Variants in GPC6 observed in about 807,000 individuals in gnomAD.
GPC6 encodes glypican 6.
A neutral mutation model predicts 55.2 loss-of-function variants in GPC6; 14 were observed. That is an observed-to-expected ratio of 0.25 (90% CI 0.17 to 0.40). The LOEUF is 0.40. Ranked by LOEUF, GPC6 falls within the 10% of genes least tolerant of loss-of-function variation. The pLI is 1.00. For synonymous variants in GPC6, 278 were observed against 259.6 expected (o/e 1.07, Z -0.68); for missense variants, 641 against 708.5 (o/e 0.90, Z 1.08).
intron 4 of GPC6, among the ~76,000 whole-genome samples, chr13:94,148,344 G>A (rs960378876): frequency 9.2e-5 from 14 of 152,214 alleles, no homozygotes; most frequent in African/African-American, 2.6e-4. Context: ...TATTACCAGG[G>A]ATTGGAGATA....
chr13:93,385,906 T>C (rs185842534), intron 1 of GPC6, among the ~76,000 whole-genome samples: 19 of 152,172 alleles, frequency 1.2e-4, no homozygotes, highest in African/African-American at 4.6e-4. Flanking sequence ...ACAATTCTCA[T>C]TTAAACACTT....
At chr13:94,019,503 C>A (rs1488294805) in intron 3 of GPC6, among the ~76,000 whole-genome samples, 1 of 152,092 alleles carries the variant, frequency 6.6e-6, no homozygotes, top group Non-Finnish European at 1.5e-5. Flanking sequence ...CTGTCCCATG[C>A]CTCTCTCCCG....
chr13:93,656,744 A>G (rs1880685696), intron 2 of GPC6, among the ~76,000 whole-genome samples: 1 of 152,008 alleles, frequency 6.6e-6, no homozygotes, highest in South Asian at 2.1e-4. Flanking sequence ...TTTAATTTAC[A>G]TTTCTAAAAG....
At chr13:93,354,271 C>T (rs1261007863) in intron 1 of GPC6, among the ~76,000 whole-genome samples, 1 of 151,694 alleles carries the variant, frequency 6.6e-6, no homozygotes, top group African/African-American at 2.4e-5. Flanking sequence ...TAAACTGCTA[C>T]CCTCAGATTT....
At chr13:94,393,186 A>G (rs1450138246) in intron 7 of GPC6, among the ~76,000 whole-genome samples, 2 of 152,126 alleles carry the variant, frequency 1.3e-5, no homozygotes, top group Admixed American at 1.3e-4. Context: ...AGAATCCATA[A>G]CTTCTTAGAT....
chr13:93,744,971 T>G (rs1030947470), intron 2 of GPC6, among the ~76,000 whole-genome samples: 5 of 151,834 alleles, frequency 3.3e-5, no homozygotes, highest in Admixed American at 1.3e-4. Context: ...CAAATCCATT[T>G]CCTTCTCTCC....
At chr13:93,757,115 A>C (rs1884797620) in intron 2 of GPC6, among the ~76,000 whole-genome samples, 1 of 152,146 alleles carries the variant, frequency 6.6e-6, no homozygotes, top group African/African-American at 2.4e-5. Context: ...ATAATTCCCC[A>C]CATGGAAATT....
At chr13:93,972,582 G>A (rs181553728) in intron 3 of GPC6, among the ~76,000 whole-genome samples, 2,345 of 152,076 alleles carry the variant, frequency 0.015, 73 homozygotes, top group East Asian at 0.12. Flanking sequence ...CTAAGAGCAC[G>A]AATCCAGAGT....
chr13:94,148,457 G>T (rs2138891362), intron 4 of GPC6, among the ~76,000 whole-genome samples: 1 of 152,214 alleles, frequency 6.6e-6, no homozygotes, highest in South Asian at 2.1e-4. Context: ...ATGTTACATT[G>T]AATTATAGAA....
At chr13:93,565,535 G>GGAC (rs764885685) in intron 2 of GPC6, among the ~76,000 whole-genome samples, 27 of 152,094 alleles carry the variant, frequency 1.8e-4, no homozygotes, top group Non-Finnish European at 3.1e-4. Context: ...TGATTCTCAA[G>GGAC]GACGTCATTC....
At chr13:93,708,361 C>A (rs1882930508) in intron 2 of GPC6, among the ~76,000 whole-genome samples, 1 of 151,712 alleles carries the variant, frequency 6.6e-6, no homozygotes, top group African/African-American at 2.4e-5. Context: ...CAATTATCTG[C>A]TGGCAGAGAA....
chr13:93,812,183 G>A (rs1886717357), intron 2 of GPC6, among the ~76,000 whole-genome samples: 1 of 151,346 alleles, frequency 6.6e-6, no homozygotes, highest in Non-Finnish European at 1.5e-5. Flanking sequence ...GAGGTCGGGA[G>A]TTCAAGACCA....
intron 2 of GPC6, among the ~76,000 whole-genome samples, chr13:93,652,115 T>C (rs1594343359): frequency 6.6e-6 from 1 of 152,220 alleles, no homozygotes; most frequent in Admixed American, 6.5e-5. Context: ...AAGTTGACTT[T>C]TTCCAATAAC....
At chr13:93,600,177 T>C (rs1877949716) in intron 2 of GPC6, among the ~76,000 whole-genome samples, 1 of 152,238 alleles carries the variant, frequency 6.6e-6, no homozygotes, top group South Asian at 2.1e-4. Context: ...AATACTGTTA[T>C]TTATCTTGTC....
At chr13:93,488,663 T>A (rs1436754715) in intron 1 of GPC6, among the ~76,000 whole-genome samples, 1 of 152,214 alleles carries the variant, frequency 6.6e-6, no homozygotes, top group East Asian at 1.9e-4. Context: ...ATCGCCATTC[T>A]AACTGGTGTG....
At chr13:93,707,359 C>A (rs776857096) in intron 2 of GPC6, among the ~76,000 whole-genome samples, 19 of 151,518 alleles carry the variant, frequency 1.3e-4, no homozygotes, top group Non-Finnish European at 2.5e-4. Flanking sequence ...ATTTGTACTT[C>A]TGAAGTTAAA....
chr13:94,160,372 G>C (rs950492236), intron 4 of GPC6, among the ~76,000 whole-genome samples: 3 of 152,126 alleles, frequency 2.0e-5, no homozygotes, highest in African/African-American at 7.2e-5. Flanking sequence ...TGTATCTTAT[G>C]GTCTTATATC....
chr13:93,313,628 T>A (rs2139112041), intron 1 of GPC6, among the ~76,000 whole-genome samples: 1 of 152,282 alleles, frequency 6.6e-6, no homozygotes, highest in East Asian at 1.9e-4. Context: ...CCTCTATACA[T>A]TTTCCATCAT....
intron 2 of GPC6, among the ~76,000 whole-genome samples, chr13:93,706,264 T>A (rs1379392673): frequency 6.6e-6 from 1 of 151,912 alleles, no homozygotes; most frequent in African/African-American, 2.4e-5. Context: ...AAATGCTTCT[T>A]CCTAAATAAA....
Sources: allele counts gnomAD v4.1 joint callset (sites outside exome capture counted in the v4.1 genomes callset), GRCh38; gene constraint gnomAD v4.1.1; transcripts MANE v1.5; gene names NCBI Gene and HGNC (gene_info 2026-07-23, HGNC 2026-07-21).